Variants in FER observed in about 807,000 individuals in gnomAD.
FER encodes FER tyrosine kinase, also known as tyrosine-protein kinase Fer.
FER carries 63 observed loss-of-function variants against 111.0 expected under a neutral mutation model. The observed-to-expected ratio is 0.57, with a 90% confidence interval of 0.46 to 0.70. The LOEUF is 0.70. FER is among the 30% of genes least tolerant of loss of function. FER has a pLI of 0.00. For missense variants in FER, 914 were observed against 954.0 expected (o/e 0.96, Z 0.55); for synonymous variants, 327 against 313.9 (o/e 1.04, Z -0.44).
chr5:109,144,590 C>A (rs757205730), intron 17 of FER, among the ~76,000 whole-genome samples: 2 of 152,074 alleles, frequency 1.3e-5, no homozygotes, highest in Non-Finnish European at 2.9e-5. Context: ...CTGAAATGTG[C>A]ATTTGGCTTG....
chr5:109,040,712 T>C (rs1771045356), intron 14 of FER, among the ~76,000 whole-genome samples: 1 of 152,116 alleles, frequency 6.6e-6, no homozygotes, highest in East Asian at 1.9e-4. Context: ...GATTTGTGCT[T>C]TGTCACTGTT....
chr5:109,031,407 A>G lies in FER; in HGVS notation c.1657-6015A>G, dbSNP rs530366714. ...GAATTATGCTTCTAGAACTTGTCCAATGACCATAGTATTTTAATTGTTTGT... is the reference window on the plus strand; with the variant it reads ...GAATTATGCTTCTAGAACTTGTCCAGTGACCATAGTATTTTAATTGTTTGT... On this transcript the variant is annotated intron_variant, in intron 13 of 19. Transcript: ENST00000281092. Among the ~76,000 whole-genome samples the G allele has an allele frequency of 5.3e-5, 8 of 152,156 alleles. No individual in the cohort carries two copies. The South Asian group carries it at 1.5e-3, about 28-fold the overall frequency.
At chr5:108,775,522 T>C (rs1317821042) in intron 2 of FER, among the ~76,000 whole-genome samples, 2 of 152,204 alleles carry the variant, frequency 1.3e-5, no homozygotes, top group African/African-American at 4.8e-5. Flanking sequence ...TCAAATGTAG[T>C]TTAAAAATAA....
chr5:109,118,082 G>C (rs1250270944), intron 17 of FER, among the ~76,000 whole-genome samples: 1 of 152,014 alleles, frequency 6.6e-6, no homozygotes, highest in South Asian at 2.1e-4. Flanking sequence ...TCCGTGTCTT[G>C]TGCCAATTTT....
chr5:109,104,711 A>G (rs1002718853), intron 17 of FER, among the ~76,000 whole-genome samples: 1 of 152,196 alleles, frequency 6.6e-6, no homozygotes, highest in African/African-American at 2.4e-5. Flanking sequence ...TAAAAAATGT[A>G]TAATCTCATG....
At chr5:109,128,969 A>G (rs1274398832) in intron 17 of FER, among the ~76,000 whole-genome samples, 1 of 152,096 alleles carries the variant, frequency 6.6e-6, no homozygotes, top group African/African-American at 2.4e-5. Flanking sequence ...GTAGACATGG[A>G]TATATGTAAA....
chr5:109,145,368 A>G (rs1464251818), intron 17 of FER, among the ~76,000 whole-genome samples: 1 of 152,072 alleles, frequency 6.6e-6, no homozygotes, highest in Non-Finnish European at 1.5e-5. Flanking sequence ...AAGCTTTACA[A>G]CAACATGAGG....
intron 9 of FER, among the ~76,000 whole-genome samples, chr5:108,891,054 A>G (rs2150308987): frequency 6.6e-6 from 1 of 152,120 alleles, no homozygotes; most frequent in South Asian, 2.1e-4. Context: ...TCACTATGCT[A>G]TATTTGAGCC....
intron 5 of FER, among the ~76,000 whole-genome samples, chr5:108,849,986 T>G (rs1762396094): frequency 6.6e-6 from 1 of 151,872 alleles, no homozygotes. Flanking sequence ...GGTCAAGAGA[T>G]CAAGACCAGC....
chr5:108,912,093 C>T (rs1378623267), intron 10 of FER, among the ~76,000 whole-genome samples: 1 of 152,134 alleles, frequency 6.6e-6, no homozygotes, highest in Non-Finnish European at 1.5e-5. Flanking sequence ...GTGCCTTTCG[C>T]CTTCTGCCTT....
intron 5 of FER, among the ~76,000 whole-genome samples, chr5:108,846,161 T>C (rs1432894221): frequency 6.6e-6 from 1 of 152,248 alleles, no homozygotes; most frequent in Non-Finnish European, 1.5e-5. Flanking sequence ...GTTGAGTTAG[T>C]ATTATTTCTT....
intron 16 of FER, among the ~76,000 whole-genome samples, chr5:109,083,105 C>T (rs573483078): frequency 6.6e-6 from 1 of 151,906 alleles, no homozygotes; most frequent in East Asian, 1.9e-4. Flanking sequence ...ATATGCTGCC[C>T]TAGTATGTGT....
chr5:109,036,427 G>C, intron 13 of FER, among the ~76,000 whole-genome samples: 1 of 152,040 alleles, frequency 6.6e-6, no homozygotes, highest in East Asian at 1.9e-4. Context: ...AACTGTCCAG[G>C]ACATTTTAAA....
At chr5:109,113,459 A>T (rs1398926994) in intron 17 of FER, among the ~76,000 whole-genome samples, 1 of 152,192 alleles carries the variant, frequency 6.6e-6, no homozygotes, top group Non-Finnish European at 1.5e-5. Flanking sequence ...ATGTCTGAGA[A>T]CCACTACTTT....
In FER at chr5:109,196,026, A is replaced by AAC. The variant is rs1759722114; in HGVS notation, c.*8451_*8452insAC. Reference sequence around the variant, plus strand: ...CACTGTATAAAGTCATAGACATAGAACCATATGGGAAAGCCCAGATGAAAA... The same window carrying AAC: ...CACTGTATAAAGTCATAGACATAGAAACCCATATGGGAAAGCCCAGATGAAAA... On this transcript the variant is annotated 3_prime_UTR_variant, in exon 20 of 20. Coordinates refer to ENST00000281092, the MANE Select transcript of FER (RefSeq NM_005246.4). 6.6e-6 allele frequency: 1 copy of AAC among 152,162 alleles called. No homozygotes were observed. Among genetic ancestry groups the AAC allele is most frequent in the Non-Finnish European group, 1.5e-5 (1 of 68,036 alleles). 9.4% of individuals were successfully genotyped at this position (152,162 alleles called of 1,614,324 possible). A position where few individuals can be genotyped will look rare whatever the true frequency, so the allele number is the denominator to read the frequency against.
At chr5:108,928,400 A>G (rs751179277) in intron 10 of FER, among the ~76,000 whole-genome samples, 4 of 152,224 alleles carry the variant, frequency 2.6e-5, no homozygotes, top group Non-Finnish European at 5.9e-5. Context: ...AAAGCTATGT[A>G]TATATTTCAG....
chr5:109,144,487 C>G (rs1209867322), intron 17 of FER, among the ~76,000 whole-genome samples: 1 of 152,118 alleles, frequency 6.6e-6, no homozygotes, highest in East Asian at 1.9e-4. Flanking sequence ...CTACATTTAC[C>G]TAGATGGCCT....
At chr5:108,869,515 G>T (rs893645731) in intron 6 of FER, among the ~76,000 whole-genome samples, 25 of 152,036 alleles carry the variant, frequency 1.6e-4, no homozygotes, top group Non-Finnish European at 2.8e-4. Flanking sequence ...TTTAGAGTAG[G>T]CCCTAAATCC....
chr5:108,867,713 A>G, intron 5 of FER, 54 bp from the exon 6 acceptor site: 3 of 1,514,634 alleles, frequency 2.0e-6, no homozygotes, highest in Non-Finnish European at 2.7e-6. Context: ...TAGTGAAGAT[A>G]CAATTTTTTT....
Sources: allele counts gnomAD v4.1 joint callset (sites outside exome capture counted in the v4.1 genomes callset), GRCh38; gene constraint gnomAD v4.1.1; transcripts MANE v1.5; gene names NCBI Gene and HGNC (gene_info 2026-07-23, HGNC 2026-07-21).